Variants in GRIN2A observed in about 807,000 individuals in gnomAD.
GRIN2A encodes glutamate receptor ionotropic, NMDA 2A.
GRIN2A carries 22 observed loss-of-function variants against 113.4 expected under a neutral mutation model. The ratio of observed to expected loss-of-function variants is 0.19; its 90% CI spans 0.14 to 0.28. The LOEUF (loss-of-function observed/expected upper bound fraction) is 0.28. GRIN2A is among the 10% of genes least tolerant of loss of function. The probability of loss-of-function intolerance (pLI) is 1.00; values close to 1 mark genes in which losing one functional copy is unlikely to be tolerated. For synonymous variants in GRIN2A, 827 were observed against 738.4 expected, an observed-to-expected ratio of 1.12 and a Z score of -1.94; for missense variants, 1,502 against 1,887.0, an observed-to-expected ratio of 0.80 and a Z score of 3.78.
chr16:9,908,457 T>G (rs2044070207), intron 3 of GRIN2A, among the ~76,000 whole-genome samples: 1 of 152,058 alleles, frequency 6.6e-6, no homozygotes, highest in Admixed American at 6.5e-5. Flanking sequence ...TTTTCCCAAA[T>G]AGCTATAAAG....
intron 4 of GRIN2A, among the ~76,000 whole-genome samples, chr16:9,858,631 A>C (rs1247073847): frequency 6.6e-6 from 1 of 152,190 alleles, no homozygotes; most frequent in Non-Finnish European, 1.5e-5. Context: ...AATGATGTTT[A>C]ATTCCTATTA....
Position 9,777,745 on chromosome 16 carries a change from T to C in GRIN2A, c.2357-8656A>G, listed in dbSNP as rs187850051. On this transcript the variant is annotated intron_variant, in intron 11 of 12. Coordinates refer to ENST00000330684, the MANE Select transcript of GRIN2A (RefSeq NM_001134407.3). The stretch of plus-strand genomic sequence containing the variant: ...AGTTGGATGGAGTTGGGGGATTTTA[T>C]GCACACAGGTTCCCAACCATAAAAT... 4.6e-5 allele frequency among the ~76,000 whole-genome samples: 7 copies of C among 152,330 alleles called. No homozygotes were observed. In the East Asian group the frequency reaches 1.2e-3, roughly 25 times the overall value.
At chr16:9,971,246 A>G (rs1452332473) in intron 2 of GRIN2A, among the ~76,000 whole-genome samples, 1 of 152,238 alleles carries the variant, frequency 6.6e-6, no homozygotes, top group Non-Finnish European at 1.5e-5. Context: ...TCAGTAAAAC[A>G]GAAGCTTCCA....
rs564989537 is a variant in GRIN2A, at chr16:9,843,381, T to C, written c.1329-2277A>G. ...CTCTTGCTCTGTTGCCCAGGCTGGG[T>C]TGCAGTGATGTGATCATGGCTCATG... On this transcript the variant is annotated intron_variant, in intron 5 of 12. Coordinates refer to ENST00000330684, the MANE Select transcript of GRIN2A (RefSeq NM_001134407.3). Among the ~76,000 whole-genome samples, 6 of 152,202 alleles carry C rather than the reference T, an allele frequency of 3.9e-5. No homozygotes were observed. The South Asian group carries it at 6.2e-4, about 16-fold the overall frequency.
chr16:9,793,249 C>T (rs896725175), intron 11 of GRIN2A, among the ~76,000 whole-genome samples: 4 of 152,048 alleles, frequency 2.6e-5, no homozygotes, highest in Non-Finnish European at 2.9e-5. Flanking sequence ...CAATTTTTTC[C>T]TTCCCTTTTC....
At position 9,760,390 on chromosome 16, in the gene GRIN2A, T is replaced by TTTTG. The variant is rs1900530874; in HGVS notation, c.*2758_*2759insCAAA. On this transcript the variant is annotated 3_prime_UTR_variant, in exon 13 of 13. Transcript: ENST00000330684. ...CAGTAGTTGATTTTTTTTTTTTTTT[T>TTTTG]TTTTTTTTGCTTGGGATCATCACAT... 1 of 201,830 alleles carries TTTTG rather than the reference T, an allele frequency of 5.0e-6. No homozygotes were observed. The highest frequency in any genetic ancestry group is 2.3e-5 in the African/African-American group (1 of 42,822). The allele number at this position is 201,830 out of a possible 1,614,324, so 12.5% of individuals were successfully genotyped here. A position where few individuals can be genotyped will look rare whatever the true frequency, so the allele number is the denominator to read the frequency against.
intron 2 of GRIN2A, among the ~76,000 whole-genome samples, chr16:10,152,717 A>G (rs1207537831): frequency 6.6e-6 from 1 of 152,216 alleles, no homozygotes; most frequent in Non-Finnish European, 1.5e-5. Context: ...CCATACCCTA[A>G]AAGATGGTAC....
At chr16:10,032,878 G>T (rs894697276) in intron 2 of GRIN2A, among the ~76,000 whole-genome samples, 2 of 152,172 alleles carry the variant, frequency 1.3e-5, no homozygotes, top group Non-Finnish European at 2.9e-5. Flanking sequence ...TCACCCAATG[G>T]AGAGTTTCCT....
intron 10 of GRIN2A, among the ~76,000 whole-genome samples, chr16:9,809,537 T>G (rs1214653992): frequency 1.3e-5 from 2 of 151,732 alleles, no homozygotes; most frequent in Admixed American, 6.5e-5. Context: ...AAAGGAATGC[T>G]TATCTGTATT....
chr16:10,036,301 A>C (rs2047023643), intron 2 of GRIN2A, among the ~76,000 whole-genome samples: 1 of 152,074 alleles, frequency 6.6e-6, no homozygotes, highest in African/African-American at 2.4e-5. Flanking sequence ...TGTAAGATCA[A>C]GGTGTCGGTG....
intron 2 of GRIN2A, among the ~76,000 whole-genome samples, chr16:10,099,743 G>A (rs2048357515): frequency 6.6e-6 from 1 of 152,172 alleles, no homozygotes; most frequent in South Asian, 2.1e-4. Context: ...GATACCTTCA[G>A]GACCCTCCTT....
chr16:9,757,065 G>A lies in GRIN2A; in HGVS notation c.*6084C>T, dbSNP rs1596368278. ...CAAAAAAGCTTTAGGGAAATGCTTCGTCTTTTTACATCATGGTCTATTTTC... is the reference window on the plus strand; with the variant it reads ...CAAAAAAGCTTTAGGGAAATGCTTCATCTTTTTACATCATGGTCTATTTTC... On this transcript the variant is annotated 3_prime_UTR_variant, in exon 13 of 13. Transcript: ENST00000330684. 6 of 206,380 alleles carry A rather than the reference G, an allele frequency of 2.9e-5. No individual in the cohort carries two copies. Among genetic ancestry groups the A allele is most frequent in the South Asian group, 3.8e-4 (2 of 5,274 alleles). 12.8% of individuals were successfully genotyped at this position (206,380 alleles called of 1,614,324 possible). A position where few individuals can be genotyped will look rare whatever the true frequency, so the allele number is the denominator to read the frequency against.
intron 11 of GRIN2A, among the ~76,000 whole-genome samples, chr16:9,792,719 A>G (rs1330815121): frequency 6.6e-6 from 1 of 152,226 alleles, no homozygotes; most frequent in East Asian, 1.9e-4. Context: ...AGTAATGTCT[A>G]TTGGAGTTTA....
chr16:9,920,694 G>T (rs117216007), intron 3 of GRIN2A, among the ~76,000 whole-genome samples: 2 of 151,640 alleles, frequency 1.3e-5, no homozygotes, highest in Non-Finnish European at 1.5e-5. Context: ...GCCTCCTGCC[G>T]TAGCTGGGAC....
At chr16:10,117,644 C>T (rs2048752527) in intron 2 of GRIN2A, among the ~76,000 whole-genome samples, 1 of 152,156 alleles carries the variant, frequency 6.6e-6, no homozygotes, top group Admixed American at 6.5e-5. Flanking sequence ...CATATAATGA[C>T]CACATTGTTC....
At chr16:9,815,843 T>C (rs1468546691) in intron 10 of GRIN2A, among the ~76,000 whole-genome samples, 3 of 152,222 alleles carry the variant, frequency 2.0e-5, no homozygotes, top group Non-Finnish European at 4.4e-5. Flanking sequence ...TGATTCAAAA[T>C]AGTTAAAATG....
At chr16:9,826,783 C>G (rs1172054841) in intron 9 of GRIN2A, among the ~76,000 whole-genome samples, 1 of 152,164 alleles carries the variant, frequency 6.6e-6, no homozygotes, top group Non-Finnish European at 1.5e-5. Flanking sequence ...GTATCTGTTA[C>G]TGGGTGTTTC....
chr16:10,114,745 A>G (rs1782834658), intron 2 of GRIN2A, among the ~76,000 whole-genome samples: 1 of 152,384 alleles, frequency 6.6e-6, no homozygotes, highest in South Asian at 2.1e-4. Context: ...CTAATAACCA[A>G]AGAATCACAA....
intron 2 of GRIN2A, among the ~76,000 whole-genome samples, chr16:10,175,432 G>C (rs2050122876): frequency 2.6e-5 from 4 of 152,136 alleles, no homozygotes; most frequent in African/African-American, 9.7e-5. Flanking sequence ...AAAATCCTGA[G>C]CATGCAACTA....
Sources: gnomAD v4.1 joint callset for allele counts (sites outside exome capture counted in the v4.1 genomes callset) on GRCh38, gnomAD v4.1.1 for gene constraint, MANE v1.5 for transcripts, NCBI Gene and HGNC (gene_info 2026-07-23, HGNC 2026-07-21) for gene names.